Variants in SYNE1 observed in about 807,000 individuals in gnomAD.
SYNE1 encodes nesprin-1.
In SYNE1, 616 loss-of-function variants were observed where a neutral mutation model predicts 1,111.0. That is an observed-to-expected ratio of 0.55 (90% CI 0.52 to 0.59). SYNE1 has a LOEUF of 0.59. Ranked by LOEUF, SYNE1 falls within the 20% of genes least tolerant of loss-of-function variation. SYNE1 has a pLI of 0.00. For synonymous variants in SYNE1, 3,855 were observed against 3,825.8 expected (o/e 1.01, Z -0.28); for missense variants, 10,006 against 10,417.0 (o/e 0.96, Z 1.72).
At chr6:152,280,553 A>C (rs1211025460) in intron 97 of SYNE1, among the ~76,000 whole-genome samples, 2 of 152,314 alleles carry the variant, frequency 1.3e-5, no homozygotes, top group East Asian at 3.9e-4. Flanking sequence ...CCCCTGTCTT[A>C]AAGTATGGTC....
intron 98 of SYNE1, among the ~76,000 whole-genome samples, chr6:152,273,322 T>G (rs990805634): frequency 6.6e-6 from 1 of 152,250 alleles, no homozygotes; most frequent in Non-Finnish European, 1.5e-5. Context: ...GAATGTGATT[T>G]GGAAACAGTT....
Position 152,585,797 on chromosome 6 carries a change from G to A in SYNE1, c.67+42468C>T, listed in dbSNP as rs1310665129. Among the ~76,000 whole-genome samples the A allele has an allele frequency of 2.6e-5, 4 of 152,194 alleles. No individual in the cohort carries two copies. In the East Asian group the frequency reaches 5.8e-4, roughly 22 times the overall value. ...CTATGGTTTCATCTTTTAAAATTTA[G>A]GTTAAGCCATATGGAATCGTAAAAA... On this transcript the variant is annotated intron_variant, in intron 3 of 145. Transcript: ENST00000367255.
Position 152,318,228 on chromosome 6 carries a change from C to T in SYNE1, c.16425G>A (p.Lys5475=). 2 of 1,614,184 alleles carry T rather than the reference C, an allele frequency of 1.2e-6. No homozygotes were observed. The highest frequency in any genetic ancestry group is 1.7e-6 in the Non-Finnish European group (2 of 1,180,034). Reference sequence around the variant, plus strand: ...GTACTGCTGCATCTAATTCCATTAACTTTGAATTACAGCCATCTAATTCCT... The same window carrying T: ...GTACTGCTGCATCTAATTCCATTAATTTTGAATTACAGCCATCTAATTCCT... ...LGEELDGCNS[K]LMELDAAVQK... The change falls in exon 86 of 146, where the codon AAG becomes AAA. Residue 5475 remains lysine (K), a synonymous_variant. Transcript: ENST00000367255.
At position 152,156,087 on chromosome 6, in the gene SYNE1, CT is replaced by C; in HGVS notation, c.23800del (p.Arg7934GlufsTer3). On this transcript the variant is annotated frameshift_variant, in exon 132 of 146. Transcript: ENST00000367255. LOFTEE classifies it high-confidence loss of function. ...ACCTGTACTGTGCTTCTCTATGTCTCTCTGAAGCTCCTGCAGGGGAACGTAA... is the reference window on the plus strand; with the variant it reads ...ACCTGTACTGTGCTTCTCTATGTCTCCTGAAGCTCCTGCAGGGGAACGTAA... ...RKLNEQQELQ[R>X]DIEKHSTGVA... is the part of the protein sequence containing the mutation. 6.2e-7 allele frequency: 1 copy of C among 1,614,196 alleles called. No individual in the cohort carries two copies.
chr6:152,634,855 T>G (rs1391908750), intron 2 of SYNE1, among the ~76,000 whole-genome samples: 7 of 152,274 alleles, frequency 4.6e-5, no homozygotes, highest in African/African-American at 1.7e-4. Flanking sequence ...TCTCGTTAGA[T>G]TAGACCACAA....
chr6:152,375,043 C>T (rs1591416375), intron 58 of SYNE1, among the ~76,000 whole-genome samples: 1 of 151,904 alleles, frequency 6.6e-6, no homozygotes, highest in Middle Eastern at 3.4e-3. Flanking sequence ...TGGGTTCAGG[C>T]AATTCTCCTG....
At chr6:152,350,564 G>C in intron 71 of SYNE1, 54 bp downstream of exon 71, 2 of 1,611,526 alleles carry the variant, frequency 1.2e-6, no homozygotes, top group Non-Finnish European at 8.5e-7. Flanking sequence ...AAAGGAGTCA[G>C]GGCCCACATT....
chr6:152,314,075 G>A lies in SYNE1; in HGVS notation c.16710+2774C>T, dbSNP rs529693740. 2.0e-5 allele frequency among the ~76,000 whole-genome samples: 3 copies of A among 152,290 alleles called. No homozygotes were observed. In the East Asian group the frequency reaches 5.8e-4, roughly 29 times the overall value. On this transcript the variant is annotated intron_variant, in intron 87 of 145. Coordinates refer to ENST00000367255, the MANE Select transcript of SYNE1 (RefSeq NM_182961.4). ...TTCTCCTCCTAATCTCCAAAGAGAG[G>A]CCTTGTCATCTTCTACTGAAATACT...
intron 98 of SYNE1, among the ~76,000 whole-genome samples, chr6:152,273,164 G>A (rs11965289): frequency 0.024 from 3,622 of 152,302 alleles, 141 homozygotes; most frequent in African/African-American, 0.082. Flanking sequence ...TGTGGGCAGG[G>A]TCAGGACTTG....
At chr6:152,597,683 C>T (rs2099585810) in intron 3 of SYNE1, among the ~76,000 whole-genome samples, 1 of 152,080 alleles carries the variant, frequency 6.6e-6, no homozygotes, top group Non-Finnish European at 1.5e-5. Context: ...TGCATGTCCA[C>T]TGAAGAAACA....
intron 128 of SYNE1, among the ~76,000 whole-genome samples, chr6:152,189,019 A>ATAT (rs2071397143): frequency 3.8e-5 from 5 of 131,384 alleles, no homozygotes; most frequent in Non-Finnish European, 6.5e-5. Flanking sequence ...ATATATATAT[A>ATAT]AAATGCCAGC....
At chr6:152,318,306 T>C (rs1356980723) in intron 85 of SYNE1, 43 bp from the exon 86 acceptor site, 13 of 1,609,732 alleles carry the variant, frequency 8.1e-6, no homozygotes, top group African/African-American at 2.7e-5. Flanking sequence ...GTACAGAAAA[T>C]AAATTTCTCC....
intron 3 of SYNE1, among the ~76,000 whole-genome samples, chr6:152,616,881 C>G (rs764905646): frequency 3.3e-5 from 5 of 152,140 alleles, no homozygotes; most frequent in African/African-American, 1.2e-4. Context: ...GCCCTGCACA[C>G]AGTTTTATGC....
At chr6:152,397,277 C>A (rs1019224656) in intron 49 of SYNE1, among the ~76,000 whole-genome samples, 6 of 152,210 alleles carry the variant, frequency 3.9e-5, no homozygotes, top group African/African-American at 1.4e-4. Context: ...TGGTCCAGGT[C>A]CACCATCTCT....
chr6:152,516,185 C>G (rs2099110811), intron 6 of SYNE1, among the ~76,000 whole-genome samples: 1 of 152,126 alleles, frequency 6.6e-6, no homozygotes, highest in Non-Finnish European at 1.5e-5. Flanking sequence ...CCATAGGATA[C>G]AGAAGTGCAA....
intron 3 of SYNE1, among the ~76,000 whole-genome samples, chr6:152,589,393 T>C (rs754509098): frequency 2.0e-5 from 3 of 152,186 alleles, no homozygotes; most frequent in Non-Finnish European, 4.4e-5. Flanking sequence ...TAAAGTCTTA[T>C]TTTTTATGGT....
At position 152,141,304 on chromosome 6, in the gene SYNE1, C is replaced by T. The variant is rs757247203; in HGVS notation, c.25145G>A (p.Ser8382Asn). The T allele has an allele frequency of 1.9e-6, 3 of 1,614,160 alleles. No individual in the cohort carries two copies. The highest frequency in any genetic ancestry group is 1.1e-5 in the South Asian group (1 of 91,080). The change falls in exon 139 of 146, where the codon AGC (serine) becomes AAC (asparagine). Residue 8382 changes from serine (S) to asparagine (N), a missense_variant. By Grantham distance (46) the Ser-to-Asn change is conservative. Coordinates refer to ENST00000367255, the MANE Select transcript of SYNE1 (RefSeq NM_182961.4). ...GYMKLLGECS[S>N]SIDSVKRLEH... ...CAGTCTCTTCACGGAGTCTATACTG[C>T]TACTGCATTCGCCCAGCAGTTTCAT...
intron 3 of SYNE1, among the ~76,000 whole-genome samples, chr6:152,576,824 T>A (rs1333465047): frequency 6.6e-6 from 1 of 152,166 alleles, no homozygotes; most frequent in Non-Finnish European, 1.5e-5. Flanking sequence ...CCGATTAGAT[T>A]AAAGAAGAGT....
At chr6:152,224,083 G>T (rs760337807) in intron 117 of SYNE1, among the ~76,000 whole-genome samples, 2 of 152,186 alleles carry the variant, frequency 1.3e-5, no homozygotes, top group Non-Finnish European at 2.9e-5. Context: ...CAACTGAATG[G>T]TTTAAACATT....
Sources: gnomAD v4.1 joint callset for allele counts (sites outside exome capture counted in the v4.1 genomes callset) on GRCh38, gnomAD v4.1.1 for gene constraint, MANE v1.5 for transcripts, NCBI Gene and HGNC (gene_info 2026-07-23, HGNC 2026-07-21) for gene names.